NSMCE2: variants seen among roughly 807,000 people sequenced by gnomAD.
The protein encoded by NSMCE2 is E3 SUMO-protein ligase NSE2.
In NSMCE2, 24 loss-of-function variants were observed where a neutral mutation model predicts 23.8. The observed-to-expected ratio is 1.01, with a 90% CI of 0.73 to 1.42. The LOEUF (loss-of-function observed/expected upper bound fraction) is 1.42. Ranked by LOEUF, NSMCE2 falls within the 40% of genes most tolerant of loss-of-function variation. The pLI, the probability that NSMCE2 is intolerant of heterozygous loss-of-function variation, is 0.00. For synonymous variants in NSMCE2, 92 were observed against 94.1 expected (o/e 0.98, Z 0.13); for missense variants, 284 against 296.5 (o/e 0.96, Z 0.31).
rs555832698 is a variant in NSMCE2, at chr8:125,173,769, A to G, written c.265-8334A>G. On this transcript the variant is annotated intron_variant, in intron 4 of 7. Coordinates refer to ENST00000287437, the MANE Select transcript of NSMCE2 (RefSeq NM_173685.4). ...AATCATGTATGTTTTCATAAAATTA[A>G]ATCTATTCTGTGTTGTTACTTGGAG... 2.0e-5 allele frequency among the ~76,000 whole-genome samples: 3 copies of G among 152,304 alleles called. No individual in the cohort carries two copies. The South Asian group carries it at 6.2e-4, about 32-fold the overall frequency.
At chr8:125,150,714 G>T (rs922634264) in intron 3 of NSMCE2, among the ~76,000 whole-genome samples, 9 of 151,964 alleles carry the variant, frequency 5.9e-5, no homozygotes, top group African/African-American at 1.2e-4. Context: ...AGGAAGATTG[G>T]TCCAAATAAT....
At chr8:125,230,834 C>T (rs1332651934) in intron 5 of NSMCE2, among the ~76,000 whole-genome samples, 1 of 152,020 alleles carries the variant, frequency 6.6e-6, no homozygotes, top group African/African-American at 2.4e-5. Flanking sequence ...AGATTTTGCC[C>T]CTGTCTTTCT....
At chr8:125,356,436 C>G (rs766320124) in intron 5 of NSMCE2, among the ~76,000 whole-genome samples, 2 of 139,766 alleles carry the variant, frequency 1.4e-5, no homozygotes, top group Non-Finnish European at 3.0e-5. Context: ...TCAAGCGATT[C>G]TCCTGCCCTA....
chr8:125,280,546 A>C (rs1827648951), intron 5 of NSMCE2, among the ~76,000 whole-genome samples: 1 of 152,338 alleles, frequency 6.6e-6, no homozygotes, highest in Non-Finnish European at 1.5e-5. Flanking sequence ...TAACAGTGAG[A>C]AAAACTACAT....
intron 5 of NSMCE2, among the ~76,000 whole-genome samples, chr8:125,333,989 T>C (rs1270077359): frequency 6.6e-6 from 1 of 152,126 alleles, no homozygotes; most frequent in Non-Finnish European, 1.5e-5. Context: ...CAGGTTTTTT[T>C]CCACTACTCC....
chr8:125,358,594 G>A (rs944045656), intron 7 of NSMCE2, among the ~76,000 whole-genome samples: 1 of 151,968 alleles, frequency 6.6e-6, no homozygotes, highest in African/African-American at 2.4e-5. Flanking sequence ...ATAGAATCCT[G>A]AGTTAGCCAG....
chr8:125,291,163 C>T (rs1276745558), intron 5 of NSMCE2, among the ~76,000 whole-genome samples: 1 of 152,124 alleles, frequency 6.6e-6, no homozygotes, highest in Non-Finnish European at 1.5e-5. Context: ...CAGAAACTTT[C>T]AGAGGTAGGT....
intron 5 of NSMCE2, among the ~76,000 whole-genome samples, chr8:125,252,412 A>C (rs1362026842): frequency 3.3e-5 from 5 of 152,170 alleles, no homozygotes; most frequent in Non-Finnish European, 1.5e-5. Context: ...CTGTAGTCCC[A>C]GCTACTCGGG....
chr8:125,343,552 T>A (rs1830326007), intron 5 of NSMCE2, among the ~76,000 whole-genome samples: 1 of 152,032 alleles, frequency 6.6e-6, no homozygotes. Context: ...GGTAGGAGGA[T>A]TGCTTGAGCC....
intron 5 of NSMCE2, among the ~76,000 whole-genome samples, chr8:125,248,218 A>G (rs1428517669): frequency 2.6e-5 from 4 of 152,216 alleles, no homozygotes; most frequent in Non-Finnish European, 5.9e-5. Flanking sequence ...TGACCTTTTC[A>G]GTCATGTCAG....
At chr8:125,226,053 C>T (rs1282725503) in intron 5 of NSMCE2, among the ~76,000 whole-genome samples, 1 of 152,164 alleles carries the variant, frequency 6.6e-6, no homozygotes, top group East Asian at 1.9e-4. Flanking sequence ...TTAAATTCAA[C>T]CTTTATGTCT....
intron 5 of NSMCE2, among the ~76,000 whole-genome samples, chr8:125,317,460 G>A (rs781244700): frequency 1.3e-5 from 2 of 152,086 alleles, no homozygotes; most frequent in Non-Finnish European, 2.9e-5. Flanking sequence ...GCCTCCATAA[G>A]TTCTGGGATT....
In NSMCE2 at chr8:125,294,470, GTC is replaced by G. The variant is rs1456420412; in HGVS notation, c.419-62745_419-62744del. Among the ~76,000 whole-genome samples the G allele has an allele frequency of 6.6e-5, 10 of 152,076 alleles. No homozygotes were observed. The East Asian group carries it at 1.7e-3, about 26-fold the overall frequency. On this transcript the variant is annotated intron_variant, in intron 5 of 7. Coordinates refer to ENST00000287437, the MANE Select transcript of NSMCE2 (RefSeq NM_173685.4). ...CGCGTCCTCACCAGCACATGTTATT[GTC>G]TCTTTTTTATTGTAGACATCCTAGT...
intron 7 of NSMCE2, among the ~76,000 whole-genome samples, chr8:125,359,894 T>G (rs756494234): frequency 2.0e-5 from 3 of 152,124 alleles, no homozygotes; most frequent in Non-Finnish European, 2.9e-5. Context: ...ACCTGGAGTT[T>G]AGGAAGTTAC....
At chr8:125,114,192 G>T (rs1280201023) in intron 3 of NSMCE2, among the ~76,000 whole-genome samples, 3 of 151,640 alleles carry the variant, frequency 2.0e-5, no homozygotes, top group Non-Finnish European at 4.4e-5. Context: ...TTTTTCTCTC[G>T]ACTGTTTAAT....
chr8:125,106,521 T>C (rs967446425), intron 3 of NSMCE2, among the ~76,000 whole-genome samples: 9 of 151,710 alleles, frequency 5.9e-5, no homozygotes, highest in African/African-American at 2.2e-4. Context: ...CTACTAAAAA[T>C]ACAAAAATTA....
chr8:125,308,759 C>A (rs1828857109), intron 5 of NSMCE2, among the ~76,000 whole-genome samples: 1 of 152,238 alleles, frequency 6.6e-6, no homozygotes, highest in Non-Finnish European at 1.5e-5. Flanking sequence ...CCCTGAGATT[C>A]TGCAGGCCTC....
At chr8:125,334,528 G>A (rs976043864) in intron 5 of NSMCE2, among the ~76,000 whole-genome samples, 1 of 152,164 alleles carries the variant, frequency 6.6e-6, no homozygotes, top group Non-Finnish European at 1.5e-5. Context: ...CACGTTGAGA[G>A]CGGGATGTGT....
chr8:125,340,012 G>T (rs367568053), intron 5 of NSMCE2, among the ~76,000 whole-genome samples: 4,738 of 102,742 alleles, frequency 0.046, 169 homozygotes, highest in South Asian at 0.2. Context: ...GTTTTTTTTT[G>T]TTTTTTTTTT....
Sources: gnomAD v4.1 joint callset for allele counts (sites outside exome capture counted in the v4.1 genomes callset) on GRCh38, gnomAD v4.1.1 for gene constraint, MANE v1.5 for transcripts, NCBI Gene and HGNC (gene_info 2026-07-23, HGNC 2026-07-21) for gene names.